CLUH: variants seen among roughly 807,000 people sequenced by gnomAD.
The protein encoded by CLUH is CLUH binding protein of NUMT mRNA, also known as clustered mitochondria protein homolog.
Under a neutral mutation model 139.3 loss-of-function variants are expected in CLUH, and 77 were observed. The observed-to-expected ratio is 0.55, with a 90% CI of 0.46 to 0.67. The LOEUF (loss-of-function observed/expected upper bound fraction) is 0.67, where lower values mean the gene tolerates loss of function less well. Ranked by LOEUF, CLUH falls within the 30% of genes least tolerant of loss-of-function variation. The pLI, the probability that CLUH is intolerant of heterozygous loss-of-function variation, is 0.00. For synonymous variants in CLUH, 999 were observed against 801.6 expected (o/e 1.25, Z -4.16); for missense variants, 1,876 against 1,875.8 (o/e 1.00, Z 0.00).
rs1197233663 is a variant in CLUH at position 2,694,955 on chromosome 17, C to A, written c.2754G>T (p.Gly918=). 6.2e-6 allele frequency: 10 copies of A among 1,612,410 alleles called. No individual in the cohort carries two copies. The highest frequency in any genetic ancestry group is 1.7e-4 in the Middle Eastern group (1 of 6,060). Residue 918 remains glycine, a synonymous_variant, in exon 16 of 26, where the codon GGG becomes GGT. Coordinates refer to ENST00000651024, the MANE Select transcript of CLUH (RefSeq NM_001366661.1). ...RNKRRKNRPP[G]AADNTAWAVM... ...CAGCCCAGGCTGTGTTATCTGCAGC[C>A]CCCGGGGGCCGGTTTTTCCTCCTCT...
chr17:2,694,685 G>A, intron 16 of CLUH, 121 bp from the exon 17 acceptor site: 2 of 1,325,186 alleles, frequency 1.5e-6, no homozygotes, highest in South Asian at 2.9e-5. Flanking sequence ...CCGGCCCCCG[G>A]GAGCCTCCCG....
At chr17:2,691,943 C>CCGCCA (rs2069667954) in intron 23 of CLUH, 48 bp from the exon 24 acceptor site, 2 of 1,285,768 alleles carry the variant, frequency 1.6e-6, no homozygotes, top group South Asian at 3.3e-5. Context: ...CCCCGCGGCC[C>CCGCCA]CGCCCCCGCC....
At chr17:2,693,280 C>T (rs1266385972) in intron 19 of CLUH, among the ~76,000 whole-genome samples, 2 of 152,166 alleles carry the variant, frequency 1.3e-5, no homozygotes, top group Middle Eastern at 3.4e-3. Context: ...CCTGTAATCC[C>T]AGCTACTCGG....
chr17:2,694,822 T>TACCCCCCCCCCCCCCC, intron 16 of CLUH, 35 bp downstream of exon 16: 3 of 1,346,336 alleles, frequency 2.2e-6, no homozygotes, highest in Non-Finnish European at 2.0e-6. Context: ...ATCTGCCCAA[T>TACCCCCCCCCCCCCCC]CCCACCCACC....
chr17:2,691,424 AG>A, intron 25 of CLUH, 184 bp downstream of exon 25: 1 of 602,726 alleles, frequency 1.7e-6, no homozygotes, highest in Non-Finnish European at 3.0e-6. Flanking sequence ...GAGCCGGGCG[AG>A]GTGGCGGACA....
intron 13 of CLUH, 183 bp downstream of exon 13, chr17:2,695,976 C>T: frequency 3.3e-6 from 2 of 608,600 alleles, no homozygotes; most frequent in Non-Finnish European, 5.8e-6. Flanking sequence ...GTGGGCTCAG[C>T]AGGGCCTGTG....
chr17:2,708,713 C>T (rs1230942516), intron 1 of CLUH, among the ~76,000 whole-genome samples: 2 of 151,898 alleles, frequency 1.3e-5, no homozygotes, highest in East Asian at 1.9e-4. Context: ...CCGCTCCCAC[C>T]GACCTGCTCC....
intron 17 of CLUH, 74 bp downstream of exon 17, chr17:2,694,406 G>A (rs1224437826): frequency 2.0e-6 from 3 of 1,529,790 alleles, no homozygotes; most frequent in Admixed American, 2.0e-5. Flanking sequence ...CCCTGGCCAG[G>A]AGTGGGAGCC....
rs780190841 is a variant in CLUH at position 2,691,704 on chromosome 17, G to C, written c.3790-22C>G. The C allele has an allele frequency of 9.9e-6, 16 of 1,609,506 alleles. No individual in the cohort carries two copies. The South Asian group carries it at 1.4e-4, about 14-fold the overall frequency. ...TGAACTGCGGGGCGGGGAAACCAGC[G>C]GTGAGCGGGGCTCCCGCGCTCGCCG... On this transcript the variant is annotated intron_variant, in intron 24 of 25. Coordinates refer to ENST00000651024, the MANE Select transcript of CLUH (RefSeq NM_001366661.1).
Position 2,696,831 on chromosome 17 carries a change from C to T in CLUH, c.2073G>A (p.Lys691=). ...CCTCCTGTCCTGGAGGATCCTCAGA[C>T]TTGGACTCCAAGGAGGAAGGACCAC... ...ENGGPSSLES[K]SEDPPGQEAG... is the part of the protein sequence containing the mutation. Residue 691 remains lysine, a synonymous_variant, in exon 11 of 26, where the codon AAG becomes AAA. Coordinates refer to ENST00000651024, the MANE Select transcript of CLUH (RefSeq NM_001366661.1). The T allele has an allele frequency of 6.2e-7, 1 of 1,613,604 alleles. No individual in the cohort carries two copies. Among genetic ancestry groups the T allele is most frequent in the Non-Finnish European group, 8.5e-7 (1 of 1,179,880 alleles).
chr17:2,700,679 T>C lies in CLUH; in HGVS notation c.1172A>G (p.Gln391Arg). 2 of 1,519,842 alleles carry C rather than the reference T, an allele frequency of 1.3e-6. No homozygotes were observed. The highest frequency in any genetic ancestry group is 2.2e-5 in the Admixed American group (1 of 45,926). The allele number at this position is 1,519,842 out of a possible 1,614,324, so 94.1% of individuals were successfully genotyped here. A position where few individuals can be genotyped will look rare whatever the true frequency, so the allele number is the denominator to read the frequency against. ...RLGYEEHIPGQTRDWNEELQT... is the reference protein window; with the variant it reads ...RLGYEEHIPGRTRDWNEELQT... Reference sequence around the variant, plus strand: ...AGGGCAGGGCCAGGTTGCAGGCACCTGTCCAGGAATGTGCTCCTCATAGCC... The same window carrying C: ...AGGGCAGGGCCAGGTTGCAGGCACCCGTCCAGGAATGTGCTCCTCATAGCC... Residue 391 changes from glutamine (Q) to arginine (R), a missense_variant and splice_region_variant, in exon 8 of 26, where the codon CAG (glutamine) becomes CGG (arginine). Coordinates refer to ENST00000651024, the MANE Select transcript of CLUH (RefSeq NM_001366661.1).
chr17:2,701,530 C>T lies in CLUH; in HGVS notation c.745-10G>A, dbSNP rs753461018. On this transcript the variant is annotated splice_polypyrimidine_tract_variant and intron_variant, in intron 5 of 25. Transcript: ENST00000651024. Reference sequence around the variant, plus strand: ...TCAGGCACTGCAAGGGCTTCGGGAGCGGCCGAGTCTGAGGGGCCAGGCCTC... The same window carrying T: ...TCAGGCACTGCAAGGGCTTCGGGAGTGGCCGAGTCTGAGGGGCCAGGCCTC... The T allele has an allele frequency of 2.0e-5, 33 of 1,613,430 alleles. No individual in the cohort carries two copies. The highest frequency in any genetic ancestry group is 2.2e-5 in the Non-Finnish European group (26 of 1,179,762).
At position 2,696,270 on chromosome 17, in the gene CLUH, G is replaced by T. The variant is rs747656197; in HGVS notation, c.2291-11C>A. The T allele has an allele frequency of 1.2e-5, 19 of 1,563,180 alleles. No individual in the cohort carries two copies. Among genetic ancestry groups the T allele is most frequent in the Non-Finnish European group, 1.6e-5 (19 of 1,153,574 alleles). On this transcript the variant is annotated splice_polypyrimidine_tract_variant and intron_variant, in intron 12 of 25. Coordinates refer to ENST00000651024, the MANE Select transcript of CLUH (RefSeq NM_001366661.1). ...CAGGGAAACGAACCCCTGGAGGAGG[G>T]AGAGCAGAGAGGCTGAGCCAGGCAG... is the stretch of plus-strand genomic sequence containing the variant.
rs1231656797 is a variant in CLUH at position 2,701,229 on chromosome 17, G to A, written c.936C>T (p.Ser312=). The A allele has an allele frequency of 3.7e-6, 6 of 1,613,612 alleles. No homozygotes were observed. In the African/African-American group the frequency reaches 5.3e-5, roughly 14 times the overall value. The stretch of plus-strand genomic sequence containing the variant: ...CTAGGGAATGGCTTAGGAAGCGGGG[G>A]CTGGCGGGCTTGGGGTTGAAGTGAT... ...TAYHFNPKPA[S]PRFLSHSLVE... Residue 312 remains serine (S), a synonymous_variant, in exon 7 of 26, where the codon AGC becomes AGT. Transcript: ENST00000651024.
At position 2,706,616 on chromosome 17, in the gene CLUH, G is replaced by T. The variant is rs1383339022; in HGVS notation, c.101-2052C>A. On this transcript the variant is annotated intron_variant, in intron 1 of 25. Transcript: ENST00000651024. The surrounding 1 kb of genome is among the most constrained non-coding windows in gnomAD (Gnocchi z 4.6). ...AAGGGCACCCCCAATCCCCTCGCAC[G>T]TGAGCAGCCCCACACACCTGCCTGA... is the stretch of plus-strand genomic sequence containing the variant. 1.3e-5 allele frequency among the ~76,000 whole-genome samples: 2 copies of T among 152,014 alleles called. No individual in the cohort carries two copies. Among genetic ancestry groups the T allele is most frequent in the South Asian group, 4.2e-4 (2 of 4,816 alleles).
chr17:2,702,257 C>T (rs1442275560), intron 3 of CLUH, among the ~76,000 whole-genome samples, 200 bp from the exon 4 acceptor site: 1 of 152,214 alleles, frequency 6.6e-6, no homozygotes, highest in Non-Finnish European at 1.5e-5. Context: ...ACACACTCTG[C>T]CTACTGGTGA....
At position 2,691,720 on chromosome 17, in the gene CLUH, G is replaced by A. The variant is rs763585995; in HGVS notation, c.3790-38C>T. The A allele has an allele frequency of 5.0e-6, 8 of 1,603,960 alleles. No homozygotes were observed. The East Asian group carries it at 1.4e-4, about 27-fold the overall frequency. ...GAAACCAGCGGTGAGCGGGGCTCCC[G>A]CGCTCGCCGGGCCGGAGGGGCCGCT... On this transcript the variant is annotated intron_variant, in intron 24 of 25. Transcript: ENST00000651024.
At position 2,703,554 on chromosome 17, in the gene CLUH, C is replaced by A; in HGVS notation, c.304-65G>T. ...CGTAGCGGGGAGAGAAGGCCCCAAC[C>A]GCCCCGGTGAGAGGCCACGTAGCGG... is the stretch of plus-strand genomic sequence containing the variant. On this transcript the variant is annotated intron_variant, in intron 2 of 25. Coordinates refer to ENST00000651024, the MANE Select transcript of CLUH (RefSeq NM_001366661.1). This position sits in a 1 kb window ranked among gnomAD's most constrained non-coding sequence, Gnocchi z 4.2. The A allele has an allele frequency of 7.8e-6, 12 of 1,545,666 alleles. No homozygotes were observed. The highest frequency in any genetic ancestry group is 1.7e-5 in the Admixed American group (1 of 58,376).
In CLUH at chr17:2,695,493, C is replaced by A. The variant is rs368772841; in HGVS notation, c.2425G>T (p.Val809Leu). 6.7e-5 allele frequency: 108 copies of A among 1,607,386 alleles called. No individual in the cohort carries two copies. The highest frequency in any genetic ancestry group is 1.5e-4 in the Admixed American group (9 of 59,952). ...KDCMEHAVLP[V>L]DGATLAEVMR... Reference sequence around the variant, plus strand: ...ACCTCTGCCAGCGTTGCCCCGTCCACGGGCAGGACCGCGTGCTCCATGCAG... The same window carrying A: ...ACCTCTGCCAGCGTTGCCCCGTCCAAGGGCAGGACCGCGTGCTCCATGCAG... The change falls in exon 14 of 26, where the codon GTG becomes TTG. Residue 809 changes from valine (V) to leucine (L), a missense_variant. Around this residue, in one of 3 missense-constraint regions of CLUH, gnomAD observed 1,454 missense variants for 1,384.4 expected, o/e 1.05. Transcript: ENST00000651024.
Sources: gnomAD v4.1 joint callset for allele counts (sites outside exome capture counted in the v4.1 genomes callset) on GRCh38, gnomAD v4.1.1 for gene constraint, gnomAD v4.1.1 regional missense constraint, Gnocchi (gnomAD v3.1) non-coding constraint, MANE v1.5 for transcripts, NCBI Gene and HGNC (gene_info 2026-07-23, HGNC 2026-07-21) for gene names.